KCNIP4: variants seen among roughly 807,000 people sequenced by gnomAD.
KCNIP4 encodes the protein Kv channel-interacting protein 4.
Under a neutral mutation model 34.0 loss-of-function variants are expected in KCNIP4, and 12 were observed. The ratio of observed to expected loss-of-function variants is 0.35; its 90% CI spans 0.23 to 0.57. The LOEUF (loss-of-function observed/expected upper bound fraction) is 0.57. Ranked by LOEUF, KCNIP4 falls within the 20% of genes least tolerant of loss-of-function variation. KCNIP4 has a pLI of 0.83. For synonymous variants in KCNIP4, 124 were observed against 102.2 expected (o/e 1.21, Z -1.29); for missense variants, 238 against 311.7 (o/e 0.76, Z 1.78).
intron 1 of KCNIP4, among the ~76,000 whole-genome samples, chr4:21,558,173 T>C (rs1240992200): frequency 6.6e-6 from 1 of 152,138 alleles, no homozygotes; most frequent in African/African-American, 2.4e-5. Flanking sequence ...TTAGGACATT[T>C]GCAAGTATTA....
intron 1 of KCNIP4, among the ~76,000 whole-genome samples, chr4:21,820,191 T>C (rs1236259300): frequency 6.6e-6 from 1 of 150,758 alleles, no homozygotes; most frequent in African/African-American, 2.4e-5. Flanking sequence ...TCACATTACA[T>C]ATCTATGTAA....
At chr4:21,422,970 C>T (rs566817956) in intron 1 of KCNIP4, among the ~76,000 whole-genome samples, 1 of 152,164 alleles carries the variant, frequency 6.6e-6, no homozygotes, top group Non-Finnish European at 1.5e-5. Flanking sequence ...GAACCTTAGA[C>T]TTCAGTAATG....
chr4:21,104,998 C>T (rs1044722225), intron 1 of KCNIP4, among the ~76,000 whole-genome samples: 1 of 151,654 alleles, frequency 6.6e-6, no homozygotes, highest in African/African-American at 2.4e-5. Flanking sequence ...GTTGCTGTAG[C>T]CTTGTAGTAT....
intron 1 of KCNIP4, among the ~76,000 whole-genome samples, chr4:21,121,142 G>A (rs1241856196): frequency 6.6e-6 from 1 of 152,186 alleles, no homozygotes; most frequent in Non-Finnish European, 1.5e-5. Flanking sequence ...GGCAAGGCAG[G>A]AGACATTACA....
At chr4:20,937,398 C>G (rs891500117) in intron 1 of KCNIP4, among the ~76,000 whole-genome samples, 1 of 151,554 alleles carries the variant, frequency 6.6e-6, no homozygotes, top group African/African-American at 2.4e-5. Flanking sequence ...CCATGCCCGG[C>G]TAGTTTTTTG....
chr4:20,948,023 G>A (rs1732377092), intron 1 of KCNIP4, among the ~76,000 whole-genome samples: 1 of 152,168 alleles, frequency 6.6e-6, no homozygotes, highest in Non-Finnish European at 1.5e-5. Flanking sequence ...TTCCAGGGTT[G>A]CCATGGAAAG....
At chr4:21,219,883 A>G (rs1199655359) in intron 1 of KCNIP4, among the ~76,000 whole-genome samples, 1 of 152,210 alleles carries the variant, frequency 6.6e-6, no homozygotes, top group Middle Eastern at 3.2e-3. Context: ...AAAAAGAAAT[A>G]TTAAAAACTT....
chr4:21,374,943 AG>A (rs1333183297), intron 1 of KCNIP4, among the ~76,000 whole-genome samples: 2 of 147,566 alleles, frequency 1.4e-5, no homozygotes, highest in Non-Finnish European at 2.9e-5. Flanking sequence ...CCCTAATGAC[AG>A]AAGAAATACA....
chr4:21,682,013 T>A (rs929033757), intron 1 of KCNIP4, among the ~76,000 whole-genome samples: 1 of 152,010 alleles, frequency 6.6e-6, no homozygotes, highest in South Asian at 2.1e-4. Context: ...CTCAGCTTAC[T>A]GAGTGTCTGG....
chr4:21,933,370 G>A (rs1729681742), intron 1 of KCNIP4, among the ~76,000 whole-genome samples: 1 of 151,918 alleles, frequency 6.6e-6, no homozygotes. Flanking sequence ...TGGAATGGGG[G>A]GATGGGAAGG....
chr4:21,168,104 G>T (rs1022787125), intron 1 of KCNIP4, among the ~76,000 whole-genome samples: 4 of 152,146 alleles, frequency 2.6e-5, no homozygotes, highest in African/African-American at 9.7e-5. Context: ...GTATTCATTT[G>T]TACTTTTTCT....
chr4:21,346,628 T>G (rs1717452516), intron 1 of KCNIP4, among the ~76,000 whole-genome samples: 1 of 152,042 alleles, frequency 6.6e-6, no homozygotes, highest in African/African-American at 2.4e-5. Context: ...ATCTTTATGC[T>G]TCACTCAAAT....
At chr4:21,591,969 A>T (rs1238673462) in intron 1 of KCNIP4, among the ~76,000 whole-genome samples, 1 of 152,096 alleles carries the variant, frequency 6.6e-6, no homozygotes, top group African/African-American at 2.4e-5. Flanking sequence ...CCACAAATAC[A>T]GTTCTACGGT....
rs1400848898 is a variant in KCNIP4 at position 20,907,863 on chromosome 4, G to A, written c.62-25154C>T. 2.0e-5 allele frequency among the ~76,000 whole-genome samples: 3 copies of A among 151,742 alleles called. 1 individual carries two copies. The highest frequency in any genetic ancestry group is 4.2e-4 in the South Asian group (2 of 4,798). On this transcript the variant is annotated intron_variant, in intron 1 of 8. Coordinates refer to ENST00000382152, the MANE Select transcript of KCNIP4 (RefSeq NM_025221.6). ...CACCGGAGTAGCTGGGACTACAGGC[G>A]CCCGCATGATATCAAATTTTCTTGA...
At chr4:21,394,780 G>C (rs1221623657) in intron 1 of KCNIP4, among the ~76,000 whole-genome samples, 1 of 152,052 alleles carries the variant, frequency 6.6e-6, no homozygotes, top group African/African-American at 2.4e-5. Context: ...AGTAATATAT[G>C]TCAATAAACT....
At chr4:21,636,176 T>C (rs1471310939) in intron 1 of KCNIP4, among the ~76,000 whole-genome samples, 1 of 149,558 alleles carries the variant, frequency 6.7e-6, no homozygotes, top group African/African-American at 2.5e-5. Context: ...CATTAGGTGA[T>C]ATACCTAACG....
At chr4:21,124,371 G>A (rs1750433807) in intron 1 of KCNIP4, among the ~76,000 whole-genome samples, 1 of 152,150 alleles carries the variant, frequency 6.6e-6, no homozygotes, top group Non-Finnish European at 1.5e-5. Context: ...TGGTATAGTG[G>A]GAAAAGTGCC....
chr4:21,779,289 C>T (rs1025002292), intron 1 of KCNIP4, among the ~76,000 whole-genome samples: 2 of 152,050 alleles, frequency 1.3e-5, no homozygotes, highest in African/African-American at 4.8e-5. Context: ...GATGATAACT[C>T]TATTAGCATT....
chr4:21,073,868 G>T (rs1489193815), intron 1 of KCNIP4, among the ~76,000 whole-genome samples: 7 of 152,092 alleles, frequency 4.6e-5, no homozygotes, highest in Admixed American at 3.9e-4. Flanking sequence ...TTTTGTCAAA[G>T]GCCTTTTCTG....
Sources: gnomAD v4.1 joint callset for allele counts (sites outside exome capture counted in the v4.1 genomes callset) on GRCh38, gnomAD v4.1.1 for gene constraint, MANE v1.5 for transcripts, NCBI Gene and HGNC (gene_info 2026-07-23, HGNC 2026-07-21) for gene names.